Variants in LOC400499 observed in about 807,000 individuals in gnomAD.
chr16:11,396,273 T>G, the LOC400499 span: 1 of 367,386 alleles, frequency 2.7e-6, no homozygotes, highest in Non-Finnish European at 4.8e-6. Flanking sequence ...GGGCCGGGTG[T>G]TGGGACTGTG....
chr16:11,524,524 A>C, the LOC400499 span, among the ~76,000 whole-genome samples: 15 of 152,104 alleles, frequency 9.9e-5, no homozygotes, highest in Admixed American at 2.6e-4. Context: ...GCAAATGAGT[A>C]ATGAATGGAA....
At chr16:11,453,183 G>A in the LOC400499 span, among the ~76,000 whole-genome samples, 3 of 152,126 alleles carry the variant, frequency 2.0e-5, no homozygotes, top group Non-Finnish European at 2.9e-5. Flanking sequence ...TCTCTTACTC[G>A]AAGTTTCATA....
At chr16:11,380,223 C>G in the LOC400499 span, among the ~76,000 whole-genome samples, 1 of 151,280 alleles carries the variant, frequency 6.6e-6, no homozygotes, top group Non-Finnish European at 1.5e-5. Flanking sequence ...TATATGTGGC[C>G]TCAAACTTCC....
At chr16:11,508,443 C>G in the LOC400499 span, among the ~76,000 whole-genome samples, 1 of 152,200 alleles carries the variant, frequency 6.6e-6, no homozygotes, top group Non-Finnish European at 1.5e-5. Context: ...GTCAAAAGGA[C>G]TGTTGTGTGC....
At chr16:11,379,899 CACAT>C in the LOC400499 span, among the ~76,000 whole-genome samples, 1 of 152,322 alleles carries the variant, frequency 6.6e-6, no homozygotes, top group South Asian at 2.1e-4. Flanking sequence ...TAAGTTCAAT[CACAT>C]ACAAATACCC....
At chr16:11,413,356 C>A in the LOC400499 span, among the ~76,000 whole-genome samples, 1 of 152,184 alleles carries the variant, frequency 6.6e-6, no homozygotes. Context: ...CCCTGACCCC[C>A]TGGGAGCTGC....
At chr16:11,388,102 G>T in the LOC400499 span, among the ~76,000 whole-genome samples, 1 of 152,106 alleles carries the variant, frequency 6.6e-6, no homozygotes, top group Non-Finnish European at 1.5e-5. Flanking sequence ...GGGAGCAGGG[G>T]CAGGTGGCCT....
the LOC400499 span, chr16:11,391,936 G>C: frequency 3.9e-6 from 3 of 770,854 alleles, no homozygotes; most frequent in South Asian, 6.4e-5. Flanking sequence ...TGCCTGGTGA[G>C]TGGGGGCTAC....
the LOC400499 span, among the ~76,000 whole-genome samples, chr16:11,507,897 A>C: frequency 1.3e-5 from 2 of 152,070 alleles, no homozygotes; most frequent in South Asian, 4.1e-4. Context: ...TTTCACCACT[A>C]TACTCCAGCC....
At chr16:11,431,403 GC>G in the LOC400499 span, among the ~76,000 whole-genome samples, 2 of 152,052 alleles carry the variant, frequency 1.3e-5, no homozygotes, top group Non-Finnish European at 2.9e-5. Flanking sequence ...CTGATATTGA[GC>G]TTTTTTTCAT....
the LOC400499 span, chr16:11,442,622 C>G: frequency 2.6e-5 from 4 of 152,316 alleles, no homozygotes; most frequent in Middle Eastern, 3.4e-3. Flanking sequence ...GGATTTGAGG[C>G]TTGGTGTGGT....
the LOC400499 span, among the ~76,000 whole-genome samples, chr16:11,394,142 G>C: frequency 6.6e-6 from 1 of 152,094 alleles, no homozygotes; most frequent in African/African-American, 2.4e-5. Flanking sequence ...CAGGCTTTCC[G>C]AGTTTGCATG....
At chr16:11,385,307 G>C in the LOC400499 span, 1 of 1,232,310 alleles carries the variant, frequency 8.1e-7, no homozygotes. Context: ...GCGAGAATGT[G>C]TTGTGAGCAA....
the LOC400499 span, among the ~76,000 whole-genome samples, chr16:11,444,134 C>T: frequency 6.6e-6 from 1 of 152,138 alleles, no homozygotes; most frequent in Non-Finnish European, 1.5e-5. Flanking sequence ...AGCCACCACA[C>T]CTGGCCCAAT....
the LOC400499 span, among the ~76,000 whole-genome samples, chr16:11,501,248 C>T: frequency 6.6e-6 from 1 of 152,130 alleles, no homozygotes; most frequent in African/African-American, 2.4e-5. Flanking sequence ...GAAACCCACC[C>T]AAGCAAATGT....
chr16:11,443,411 A>C, the LOC400499 span: 1 of 424,154 alleles, frequency 2.4e-6, no homozygotes, highest in Non-Finnish European at 4.6e-6. Flanking sequence ...CGGTGAGCTG[A>C]GATCAAGTCA....
At chr16:11,526,780 C>T in the LOC400499 span, among the ~76,000 whole-genome samples, 1 of 152,246 alleles carries the variant, frequency 6.6e-6, no homozygotes, top group East Asian at 1.9e-4. Context: ...GGCATGATCT[C>T]GGCTCACTGC....
chr16:11,390,626 G>T, the LOC400499 span, among the ~76,000 whole-genome samples: 3 of 152,340 alleles, frequency 2.0e-5, no homozygotes, highest in South Asian at 6.2e-4. Flanking sequence ...GATTGCAGGG[G>T]AGTTGTCACA....
chr16:11,412,527 C>G, the LOC400499 span, among the ~76,000 whole-genome samples: 3 of 152,218 alleles, frequency 2.0e-5, no homozygotes, highest in Non-Finnish European at 4.4e-5. Flanking sequence ...TTACTGCACA[C>G]GTAAGAGCAC....
Sources: gnomAD v4.1 joint callset for allele counts (sites outside exome capture counted in the v4.1 genomes callset) on GRCh38, gnomAD v4.1.1 for gene constraint, MANE v1.5 for transcripts.